HMG20A: variants seen among roughly 807,000 people sequenced by gnomAD.
HMG20A encodes high mobility group protein 20A.
Under a neutral mutation model 43.9 loss-of-function variants are expected in HMG20A, and 17 were observed. The ratio of observed to expected loss-of-function variants is 0.39; its 90% CI spans 0.27 to 0.58. The LOEUF (loss-of-function observed/expected upper bound fraction) is 0.58, where lower values mean the gene tolerates loss of function less well. Ranked by LOEUF, HMG20A falls within the 20% of genes least tolerant of loss-of-function variation. The probability of loss-of-function intolerance (pLI) is 0.59; values close to 1 mark genes in which losing one functional copy is unlikely to be tolerated. For missense variants in HMG20A, 341 were observed against 438.2 expected (o/e 0.78, Z 1.98); for synonymous variants, 132 against 147.5 (o/e 0.89, Z 0.76).
chr15:77,467,560 G>T (rs2072768359), intron 4 of HMG20A, among the ~76,000 whole-genome samples: 1 of 152,184 alleles, frequency 6.6e-6, no homozygotes, highest in African/African-American at 2.4e-5. Flanking sequence ...TATACGCTGA[G>T]TTCACATAAG....
the HMG20A span, among the ~76,000 whole-genome samples, chr15:77,498,997 C>A: frequency 6.6e-6 from 1 of 152,168 alleles, no homozygotes; most frequent in African/African-American, 2.4e-5. Flanking sequence ...TTTCTTGTCT[C>A]CCCACTTACT....
intron 1 of HMG20A, among the ~76,000 whole-genome samples, chr15:77,447,261 G>A (rs1020048575): frequency 6.6e-6 from 1 of 152,084 alleles, no homozygotes. Context: ...CCAACGAGGT[G>A]GACTGTGACC....
intron 1 of HMG20A, among the ~76,000 whole-genome samples, chr15:77,455,347 C>T (rs1435133086): frequency 6.7e-6 from 1 of 149,530 alleles, no homozygotes; most frequent in African/African-American, 2.5e-5. Context: ...CATTAAATAT[C>T]TAGTACGCTT....
intron 1 of HMG20A, among the ~76,000 whole-genome samples, chr15:77,443,064 G>A (rs1437556161): frequency 1.7e-5 from 2 of 120,902 alleles, no homozygotes; most frequent in African/African-American, 3.3e-5. Flanking sequence ...ACAGAATCTC[G>A]CTCTGTAACC....
chr15:77,518,456 ACTGTACACAG>A, the HMG20A span, among the ~76,000 whole-genome samples: 17 of 152,088 alleles, frequency 1.1e-4, no homozygotes, highest in African/African-American at 4.1e-4. Flanking sequence ...CATCTCCACA[ACTGTACACAG>A]GCTGGTCCCT....
At chr15:77,474,949 C>T (rs11636412) in intron 6 of HMG20A, among the ~76,000 whole-genome samples, 36,765 of 152,044 alleles carry the variant, frequency 0.24, 5,163 homozygotes, top group Middle Eastern at 0.36. Context: ...ATTCTTGCTC[C>T]TCTCAAATCG....
downstream of HMG20A, among the ~76,000 whole-genome samples, chr15:77,488,223 ATC>A (rs553105590): frequency 4.1e-4 from 62 of 152,188 alleles, no homozygotes; most frequent in African/African-American, 1.4e-3. Context: ...TCTTATTTGA[ATC>A]TCTCTCTCAC....
rs80079196 is a variant in HMG20A at position 77,463,534 on chromosome 15, G to A, written c.90-706G>A. Among the ~76,000 whole-genome samples the A allele has an allele frequency of 8.6e-5, 13 of 151,918 alleles. No individual in the cohort carries two copies. The East Asian group carries it at 1.9e-3, about 23-fold the overall frequency. ...GTGTTACCTTTCCTTCTATTCCTTC[G>A]TCCACATGTAATAAGATAAGTCCAT... On this transcript the variant is annotated intron_variant, in intron 2 of 9. Coordinates refer to ENST00000336216, the MANE Select transcript of HMG20A (RefSeq NM_001304504.2).
intron 1 of HMG20A, among the ~76,000 whole-genome samples, chr15:77,450,850 C>T (rs993416787): frequency 6.6e-5 from 10 of 152,110 alleles, no homozygotes; most frequent in African/African-American, 2.4e-4. Flanking sequence ...CACATCCTTG[C>T]CAGCATTTGG....
At chr15:77,498,682 T>C in the HMG20A span, among the ~76,000 whole-genome samples, 1 of 152,212 alleles carries the variant, frequency 6.6e-6, no homozygotes. Flanking sequence ...TTTTCACATC[T>C]GTGAAATGAA....
chr15:77,495,200 G>C, the HMG20A span, among the ~76,000 whole-genome samples: 1 of 152,190 alleles, frequency 6.6e-6, no homozygotes, highest in East Asian at 1.9e-4. Context: ...GGTAAGGATT[G>C]TACATGCAAG....
At chr15:77,448,650 G>A (rs1260270174) in intron 1 of HMG20A, among the ~76,000 whole-genome samples, 1 of 151,960 alleles carries the variant, frequency 6.6e-6, no homozygotes, top group African/African-American at 2.4e-5. Flanking sequence ...GCTCTATAAG[G>A]GCAAGGATCT....
the HMG20A span, among the ~76,000 whole-genome samples, chr15:77,513,303 C>G: frequency 4.6e-5 from 7 of 152,206 alleles, no homozygotes; most frequent in East Asian, 1.9e-4. Context: ...ATTCCTGTCT[C>G]TTTCTCTTTC....
At chr15:77,491,097 G>C in the HMG20A span, among the ~76,000 whole-genome samples, 1 of 152,234 alleles carries the variant, frequency 6.6e-6, no homozygotes, top group Non-Finnish European at 1.5e-5. Context: ...GCAGCTGAAT[G>C]TTCTAGGATA....
intron 3 of HMG20A, among the ~76,000 whole-genome samples, chr15:77,466,569 C>T (rs888564341): frequency 2.0e-5 from 3 of 152,184 alleles, no homozygotes; most frequent in African/African-American, 7.2e-5. Flanking sequence ...TGAAAGTTAT[C>T]AATGAGCAAC....
intron 2 of HMG20A, among the ~76,000 whole-genome samples, chr15:77,460,255 A>G (rs974737086): frequency 6.6e-6 from 1 of 152,218 alleles, no homozygotes; most frequent in Non-Finnish European, 1.5e-5. Flanking sequence ...AGTGAGAAGT[A>G]TAGAATTCTA....
At chr15:77,518,231 G>A in the HMG20A span, among the ~76,000 whole-genome samples, 1 of 151,990 alleles carries the variant, frequency 6.6e-6, no homozygotes, top group Admixed American at 6.5e-5. Flanking sequence ...GGCGGTGGGG[G>A]AGCCGATAGG....
At chr15:77,442,022 T>G (rs2073618236) in intron 1 of HMG20A, among the ~76,000 whole-genome samples, 1 of 152,172 alleles carries the variant, frequency 6.6e-6, no homozygotes, top group African/African-American at 2.4e-5. Flanking sequence ...ACACATTACA[T>G]TTTAGGTTTA....
chr15:77,432,062 G>A (rs2073490804), intron 1 of HMG20A, among the ~76,000 whole-genome samples: 1 of 152,038 alleles, frequency 6.6e-6, no homozygotes, highest in South Asian at 2.1e-4. Context: ...CCATATCTTG[G>A]CTATTGTGAA....
Sources: gnomAD v4.1 joint callset for allele counts (sites outside exome capture counted in the v4.1 genomes callset) on GRCh38, gnomAD v4.1.1 for gene constraint, MANE v1.5 for transcripts, NCBI Gene and HGNC (gene_info 2026-07-23, HGNC 2026-07-21) for gene names.